ARFGEF1: variants seen among roughly 807,000 people sequenced by gnomAD.
ARFGEF1 encodes the protein brefeldin A-inhibited guanine nucleotide-exchange protein 1.
In ARFGEF1, 42 loss-of-function variants were observed where a neutral mutation model predicts 231.0. The ratio of observed to expected loss-of-function variants is 0.18; its 90% confidence interval spans 0.14 to 0.24. The LOEUF is 0.24. ARFGEF1 is among the 10% of genes least tolerant of loss of function. The pLI is 1.00. For missense variants in ARFGEF1, 1,345 were observed against 2,192.0 expected (o/e 0.61, Z 7.72); for synonymous variants, 710 against 732.3 (o/e 0.97, Z 0.49).
intron 5 of ARFGEF1, among the ~76,000 whole-genome samples, chr8:67,188,436 A>C (rs1173814873): frequency 6.6e-6 from 1 of 152,210 alleles, no homozygotes; most frequent in Admixed American, 6.5e-5. Context: ...ATTAGGCTAA[A>C]GCAGGAGGTA....
At chr8:67,241,435 T>C (rs184383439) in intron 19 of ARFGEF1, among the ~76,000 whole-genome samples, 1 of 152,304 alleles carries the variant, frequency 6.6e-6, no homozygotes, top group African/African-American at 2.4e-5. Context: ...CTGTGTTATA[T>C]TTTATACAAG....
chr8:67,304,691 T>C (rs1388007279), intron 1 of ARFGEF1, among the ~76,000 whole-genome samples: 1 of 152,164 alleles, frequency 6.6e-6, no homozygotes, highest in Admixed American at 6.5e-5. Flanking sequence ...TGGCGGTGCA[T>C]GCCTGTAGTC....
At chr8:67,241,568 G>A (rs1839929762) in intron 19 of ARFGEF1, among the ~76,000 whole-genome samples, 1 of 152,106 alleles carries the variant, frequency 6.6e-6, no homozygotes, top group South Asian at 2.1e-4. Context: ...GTTAAACTGT[G>A]CACTCATAAC....
chr8:67,203,967 A>G (rs1838423978), intron 35 of ARFGEF1, among the ~76,000 whole-genome samples: 1 of 152,124 alleles, frequency 6.6e-6, no homozygotes, highest in Non-Finnish European at 1.5e-5. Context: ...ACTCACTCAA[A>G]AACATGGCCC....
At chr8:67,304,485 G>C (rs1806645085) in intron 1 of ARFGEF1, among the ~76,000 whole-genome samples, 1 of 152,124 alleles carries the variant, frequency 6.6e-6, no homozygotes, top group Non-Finnish European at 1.5e-5. Flanking sequence ...TACTAAAATT[G>C]CACGGCTCAC....
In ARFGEF1 at chr8:67,228,113, G is replaced by A; in HGVS notation, c.3441C>T (p.Leu1147=). The A allele has an allele frequency of 1.2e-6, 2 of 1,610,544 alleles. No homozygotes were observed. The highest frequency in any genetic ancestry group is 1.7e-4 in the Middle Eastern group (1 of 6,046). The part of the protein sequence containing the change: ...GNAIVDFVRW[L]CAVSMDELLS... ...GTAATTCATCCATAGACACAGCACA[G>A]AGCCAACGGACAAAATCCACTGTAA... The change falls in exon 25 of 39, where the codon CTC becomes CTT. Residue 1147 remains leucine, a synonymous_variant. Transcript: ENST00000262215.
intron 5 of ARFGEF1, among the ~76,000 whole-genome samples, chr8:67,191,781 T>G (rs921411931): frequency 1.2e-4 from 19 of 152,196 alleles, no homozygotes; most frequent in African/African-American, 4.1e-4. Flanking sequence ...AGAAGGAAAT[T>G]GTTGGGTTAT....
intron 10 of ARFGEF1, among the ~76,000 whole-genome samples, chr8:67,268,274 C>T (rs1804930838): frequency 6.6e-6 from 1 of 152,122 alleles, no homozygotes; most frequent in Non-Finnish European, 1.5e-5. Context: ...TCAGTATCTC[C>T]TATAGACTGT....
At chr8:67,272,632 G>C (rs918465739) in intron 9 of ARFGEF1, among the ~76,000 whole-genome samples, 1 of 152,050 alleles carries the variant, frequency 6.6e-6, no homozygotes, top group African/African-American at 2.4e-5. Flanking sequence ...GCCATATTTA[G>C]TATTAATACA....
intron 18 of ARFGEF1, 103 bp downstream of exon 18, chr8:67,253,348 G>A: frequency 1.3e-6 from 1 of 742,078 alleles, no homozygotes; most frequent in Non-Finnish European, 2.0e-6. Flanking sequence ...AGTAGCTGGG[G>A]ACTATAAATG....
chr8:67,230,091 G>A (rs1839506262), intron 23 of ARFGEF1, among the ~76,000 whole-genome samples: 1 of 152,008 alleles, frequency 6.6e-6, no homozygotes. Context: ...CCTACTCACT[G>A]CCATAGTCTC....
chr8:67,240,107 A>G, intron 20 of ARFGEF1, 55 bp downstream of exon 20: 1 of 1,577,288 alleles, frequency 6.3e-7, no homozygotes, highest in South Asian at 1.2e-5. Context: ...AACTATTGTA[A>G]TGGCATAGGT....
At chr8:67,194,566 G>A (rs143670936), downstream of ARFGEF1, among the ~76,000 whole-genome samples, 149 of 152,108 alleles carry the variant, frequency 9.8e-4, 1 homozygote, top group African/African-American at 3.4e-3. Flanking sequence ...AGCATTTTAA[G>A]AATCTTTTTC....
In ARFGEF1 at chr8:67,343,340, G is replaced by C; in HGVS notation, c.-53C>G. ...TCCGACCCGCGGCTCCCAGCGGCTG[G>C]AGGGGAGGAGGAGGAGAGGAAGGAA... On this transcript the variant is annotated 5_prime_UTR_variant, in exon 1 of 39. Transcript: ENST00000262215. 4 of 1,602,276 alleles carry C rather than the reference G, an allele frequency of 2.5e-6. No individual in the cohort carries two copies. Among genetic ancestry groups the C allele is most frequent in the Non-Finnish European group, 2.6e-6 (3 of 1,173,220 alleles).
intron 7 of ARFGEF1, among the ~76,000 whole-genome samples, chr8:67,283,498 T>C (rs950884977): frequency 1.3e-5 from 2 of 152,136 alleles, no homozygotes; most frequent in Non-Finnish European, 2.9e-5. Context: ...ATGTAATATA[T>C]ATGCAGGCAT....
chr8:67,227,636 T>A (rs1357310525), intron 25 of ARFGEF1, 38 bp from the exon 26 acceptor site: 2 of 1,586,990 alleles, frequency 1.3e-6, no homozygotes, highest in African/African-American at 2.7e-5. Context: ...CTAATTAATA[T>A]CAGCAGTAAA....
At chr8:67,337,845 ATG>A (rs957731942) in intron 1 of ARFGEF1, among the ~76,000 whole-genome samples, 1 of 152,078 alleles carries the variant, frequency 6.6e-6, no homozygotes, top group African/African-American at 2.4e-5. Context: ...CCCCACTAGA[ATG>A]TGTGTTCTAT....
chr8:67,297,148 T>C (rs927881581), intron 4 of ARFGEF1, among the ~76,000 whole-genome samples: 1 of 152,186 alleles, frequency 6.6e-6, no homozygotes, highest in African/African-American at 2.4e-5. Flanking sequence ...CTGAAAACCA[T>C]TTAACTGATT....
intron 7 of ARFGEF1, among the ~76,000 whole-genome samples, chr8:67,280,976 T>C (rs1481556641): frequency 6.6e-6 from 1 of 151,136 alleles, no homozygotes. Flanking sequence ...GTATAGTCAG[T>C]GATAAGCGAA....
Sources: gnomAD v4.1 joint callset for allele counts (sites outside exome capture counted in the v4.1 genomes callset) on GRCh38, gnomAD v4.1.1 for gene constraint, MANE v1.5 for transcripts, NCBI Gene and HGNC (gene_info 2026-07-23, HGNC 2026-07-21) for gene names.